DNAH6: variants seen among roughly 807,000 people sequenced by gnomAD.
The protein encoded by DNAH6 is dynein axonemal heavy chain 6, also known as axonemal beta dynein heavy chain 6.
Under a neutral mutation model 491.4 loss-of-function variants are expected in DNAH6, and 340 were observed. That is an observed-to-expected ratio of 0.69 (90% CI 0.63 to 0.76). The LOEUF (loss-of-function observed/expected upper bound fraction) is 0.76. Ranked by LOEUF, DNAH6 falls within the 30% of genes least tolerant of loss-of-function variation. The pLI, the probability that DNAH6 is intolerant of heterozygous loss-of-function variation, is 0.00. For synonymous variants in DNAH6, 1,603 were observed against 1,686.1 expected, an observed-to-expected ratio of 0.95 and a Z score of 1.21; for missense variants, 4,443 against 4,972.2, an observed-to-expected ratio of 0.89 and a Z score of 3.20.
intron 44 of DNAH6, among the ~76,000 whole-genome samples, chr2:84,687,863 T>C (rs1405025740): frequency 6.6e-6 from 1 of 152,216 alleles, no homozygotes; most frequent in East Asian, 1.9e-4. Flanking sequence ...TCTGGCATGA[T>C]TTTTTATAAT....
chr2:84,669,604 A>C, intron 38 of DNAH6, 94 bp downstream of exon 38: 2 of 1,124,026 alleles, frequency 1.8e-6, no homozygotes, highest in South Asian at 2.8e-5. Flanking sequence ...TATTTCTGAG[A>C]GGAATTTTGT....
intron 11 of DNAH6, among the ~76,000 whole-genome samples, chr2:84,569,947 G>C (rs1681604112): frequency 6.6e-6 from 1 of 152,020 alleles, no homozygotes; most frequent in Admixed American, 6.6e-5. Context: ...TTTTGTGATT[G>C]TATGTGGGGT....
chr2:84,768,168 A>C (rs1675268705), intron 64 of DNAH6, among the ~76,000 whole-genome samples: 1 of 152,094 alleles, frequency 6.6e-6, no homozygotes, highest in Non-Finnish European at 1.5e-5. Context: ...GTATAGGCTT[A>C]AATATATATG....
chr2:84,610,325 A>G (rs558228615), intron 21 of DNAH6, among the ~76,000 whole-genome samples: 4 of 152,162 alleles, frequency 2.6e-5, no homozygotes, highest in Non-Finnish European at 5.9e-5. Flanking sequence ...CATAAACATA[A>G]TTATGTACAT....
chr2:84,498,558 G>A, the DNAH6 span, among the ~76,000 whole-genome samples: 1 of 152,100 alleles, frequency 6.6e-6, no homozygotes, highest in Non-Finnish European at 1.5e-5. Flanking sequence ...AATTTAGTGA[G>A]GTTGTGGAAA....
At chr2:84,673,137 G>T (rs1370720226) in intron 40 of DNAH6, among the ~76,000 whole-genome samples, 2 of 152,158 alleles carry the variant, frequency 1.3e-5, no homozygotes, top group Non-Finnish European at 2.9e-5. Context: ...GATTCTGAAG[G>T]CATGCATGCC....
At chr2:84,669,214 A>T in intron 37 of DNAH6, 75 bp from the exon 38 acceptor site, 4 of 1,156,390 alleles carry the variant, frequency 3.5e-6, no homozygotes, top group Admixed American at 4.4e-5. Context: ...CTTTTTTTCT[A>T]TGTGAGTGTA....
intron 21 of DNAH6, among the ~76,000 whole-genome samples, chr2:84,610,994 G>A (rs532915258): frequency 6.6e-6 from 1 of 152,264 alleles, no homozygotes; most frequent in Non-Finnish European, 1.5e-5. Flanking sequence ...GTAACATTTG[G>A]GCTTACTCCC....
intron 70 of DNAH6, among the ~76,000 whole-genome samples, chr2:84,799,568 G>A (rs1185044756): frequency 6.6e-6 from 1 of 152,224 alleles, no homozygotes; most frequent in Non-Finnish European, 1.5e-5. Flanking sequence ...CCTGTCCAGG[G>A]AGTCTCCACC....
intron 29 of DNAH6, among the ~76,000 whole-genome samples, chr2:84,625,516 T>C (rs79261460): frequency 0.035 from 5,391 of 152,256 alleles, 143 homozygotes; most frequent in Non-Finnish European, 0.053. Flanking sequence ...CCCTTTACAC[T>C]CTTAAAAATT....
At chr2:84,810,320 C>A (rs988942444) in intron 72 of DNAH6, among the ~76,000 whole-genome samples, 1 of 152,188 alleles carries the variant, frequency 6.6e-6, no homozygotes, top group Non-Finnish European at 1.5e-5. Context: ...CTAAATCTTC[C>A]GTGAATATTT....
At chr2:84,723,180 A>G (rs568127533) in intron 60 of DNAH6, among the ~76,000 whole-genome samples, 42 of 152,284 alleles carry the variant, frequency 2.8e-4, no homozygotes, top group African/African-American at 8.7e-4. Flanking sequence ...ATGAGCCAAG[A>G]TCGTGCCACT....
intron 63 of DNAH6, among the ~76,000 whole-genome samples, chr2:84,759,467 C>T (rs1674360930): frequency 6.6e-6 from 1 of 152,044 alleles, no homozygotes. Flanking sequence ...CAAGATTGTG[C>T]CACTGCACTC....
intron 44 of DNAH6, among the ~76,000 whole-genome samples, chr2:84,687,289 C>G (rs1476672343): frequency 6.6e-6 from 1 of 152,098 alleles, no homozygotes; most frequent in African/African-American, 2.4e-5. Context: ...GCCTCTTGTT[C>G]GAGTAAAACA....
intron 66 of DNAH6, among the ~76,000 whole-genome samples, chr2:84,785,166 G>A (rs1387353741): frequency 6.6e-6 from 1 of 152,208 alleles, no homozygotes; most frequent in Non-Finnish European, 1.5e-5. Flanking sequence ...GGATTTCAAT[G>A]CTGGAAGTTT....
At chr2:84,608,150 C>T (rs113453961) in intron 21 of DNAH6, among the ~76,000 whole-genome samples, 1,527 of 152,284 alleles carry the variant, frequency 0.01, 15 homozygotes, top group South Asian at 0.037. Context: ...GCAATTCAGT[C>T]GCCTCTTCAG....
At chr2:84,514,006 G>A (rs1675435194), upstream of DNAH6, among the ~76,000 whole-genome samples, 1 of 152,160 alleles carries the variant, frequency 6.6e-6, no homozygotes, top group African/African-American at 2.4e-5. Flanking sequence ...TGTGGCAACT[G>A]TAGTTTGCTC....
intron 46 of DNAH6, among the ~76,000 whole-genome samples, chr2:84,697,131 C>T (rs1449722979): frequency 4.6e-5 from 7 of 152,154 alleles, no homozygotes; most frequent in Middle Eastern, 3.4e-3. Flanking sequence ...AGAAAATAAT[C>T]CAACTAAGGG....
At chr2:84,599,809 G>A (rs1685046979) in intron 18 of DNAH6, among the ~76,000 whole-genome samples, 2 of 152,024 alleles carry the variant, frequency 1.3e-5, no homozygotes, top group South Asian at 4.1e-4. Flanking sequence ...CTCCAATTTT[G>A]TTCTTCCTTT....
Sources: gnomAD v4.1 joint callset for allele counts (sites outside exome capture counted in the v4.1 genomes callset) on GRCh38, gnomAD v4.1.1 for gene constraint, MANE v1.5 for transcripts, NCBI Gene and HGNC (gene_info 2026-07-23, HGNC 2026-07-21) for gene names.